TMEM178B: variants seen among roughly 807,000 people sequenced by gnomAD.
TMEM178B encodes the protein transmembrane protein 178B.
Under a neutral mutation model 31.0 loss-of-function variants are expected in TMEM178B, and 5 were observed. The ratio of observed to expected loss-of-function variants is 0.16; its 90% CI spans 0.08 to 0.34. TMEM178B has a LOEUF of 0.34. Among genes scored for constraint, TMEM178B ranks in the 10% least tolerant of loss-of-function variants. The pLI, the probability that TMEM178B is intolerant of heterozygous loss-of-function variation, is 1.00. For synonymous variants in TMEM178B, 164 were observed against 164.0 expected, an observed-to-expected ratio of 1.00 and a Z score of 0.00; for missense variants, 275 against 400.3, an observed-to-expected ratio of 0.69 and a Z score of 2.67.
At chr7:141,249,491 T>G (rs1797795351) in intron 2 of TMEM178B, among the ~76,000 whole-genome samples, 1 of 152,218 alleles carries the variant, frequency 6.6e-6, no homozygotes, top group Non-Finnish European at 1.5e-5. Flanking sequence ...CTGTAAAGAT[T>G]CCTGAAAATG....
chr7:141,335,011 C>T (rs371596762), intron 2 of TMEM178B, among the ~76,000 whole-genome samples: 21 of 152,268 alleles, frequency 1.4e-4, no homozygotes, highest in African/African-American at 4.8e-4. Flanking sequence ...TTTCCTCCCT[C>T]GAGGGGCCTG....
chr7:141,182,582 A>C (rs1796547373), intron 1 of TMEM178B, among the ~76,000 whole-genome samples: 1 of 152,204 alleles, frequency 6.6e-6, no homozygotes, highest in African/African-American at 2.4e-5. Flanking sequence ...AAGAATTAGT[A>C]AGGGAAACAG....
chr7:141,206,698 G>C (rs1403260388), intron 1 of TMEM178B, among the ~76,000 whole-genome samples: 1 of 152,090 alleles, frequency 6.6e-6, no homozygotes, highest in African/African-American at 2.4e-5. Flanking sequence ...TACTTCTGTT[G>C]CCAGCCCCGG....
At chr7:141,201,159 C>A (rs1030214251) in intron 1 of TMEM178B, among the ~76,000 whole-genome samples, 1 of 152,192 alleles carries the variant, frequency 6.6e-6, no homozygotes, top group Admixed American at 6.5e-5. Flanking sequence ...ACCACGTCGG[C>A]GCCATCCCCT....
chr7:141,507,855 G>C, the TMEM178B span, among the ~76,000 whole-genome samples: 1 of 152,186 alleles, frequency 6.6e-6, no homozygotes, highest in Non-Finnish European at 1.5e-5. Context: ...AGGCACACTG[G>C]ATCTGGCCCA....
intron 2 of TMEM178B, among the ~76,000 whole-genome samples, chr7:141,255,354 T>A (rs1396750874): frequency 6.6e-6 from 1 of 152,174 alleles, no homozygotes; most frequent in African/African-American, 2.4e-5. Context: ...TGACAAGACT[T>A]TGCAATTATT....
At chr7:141,369,091 A>G (rs967364949) in intron 2 of TMEM178B, among the ~76,000 whole-genome samples, 1 of 152,226 alleles carries the variant, frequency 6.6e-6, no homozygotes, top group Admixed American at 6.5e-5. Flanking sequence ...CATGGAAAGA[A>G]GTAAACATCC....
intron 1 of TMEM178B, among the ~76,000 whole-genome samples, chr7:141,212,269 A>T (rs990291590): frequency 9.9e-5 from 15 of 152,154 alleles, no homozygotes; most frequent in African/African-American, 3.6e-4. Flanking sequence ...GAAACTGTTG[A>T]TGTCCTTTGA....
chr7:141,124,377 A>G (rs1296431781), intron 1 of TMEM178B, among the ~76,000 whole-genome samples: 1 of 152,070 alleles, frequency 6.6e-6, no homozygotes, highest in East Asian at 1.9e-4. Context: ...AAAAAAAAAT[A>G]GAAAAAAAAG....
At chr7:141,146,471 G>C (rs1317116675) in intron 1 of TMEM178B, among the ~76,000 whole-genome samples, 1 of 152,196 alleles carries the variant, frequency 6.6e-6, no homozygotes, top group Non-Finnish European at 1.5e-5. Flanking sequence ...TTTTAGCTAA[G>C]TGATGTTGGA....
intron 2 of TMEM178B, among the ~76,000 whole-genome samples, chr7:141,419,677 T>C (rs1801164779): frequency 6.6e-6 from 1 of 152,010 alleles, no homozygotes; most frequent in Non-Finnish European, 1.5e-5. Context: ...GCATATGGAG[T>C]CCCTGGTGAG....
chr7:141,138,050 C>G (rs1255632078), intron 1 of TMEM178B, among the ~76,000 whole-genome samples: 1 of 150,786 alleles, frequency 6.6e-6, no homozygotes, highest in Non-Finnish European at 1.5e-5. Context: ...CATGAGATCT[C>G]TTTTAAAATT....
chr7:141,229,848 C>T (rs575470076), intron 2 of TMEM178B, among the ~76,000 whole-genome samples: 222 of 152,226 alleles, frequency 1.5e-3, no homozygotes, highest in African/African-American at 5.1e-3. Flanking sequence ...GGTACACCAG[C>T]CTGGGCCACA....
chr7:141,440,678 A>T (rs951274401), intron 3 of TMEM178B, among the ~76,000 whole-genome samples: 6 of 152,146 alleles, frequency 3.9e-5, no homozygotes, highest in East Asian at 1.9e-4. Context: ...GGGACATGCA[A>T]TCTATTTTTT....
intron 2 of TMEM178B, among the ~76,000 whole-genome samples, chr7:141,270,321 T>C (rs1216400932): frequency 1.3e-5 from 2 of 151,956 alleles, no homozygotes; most frequent in African/African-American, 4.8e-5. Flanking sequence ...AGGTGAGCAG[T>C]CTACATCTCT....
At chr7:141,425,132 C>A (rs1480483211) in intron 2 of TMEM178B, among the ~76,000 whole-genome samples, 1 of 152,204 alleles carries the variant, frequency 6.6e-6, no homozygotes, top group Non-Finnish European at 1.5e-5. Flanking sequence ...CAACACATGC[C>A]TGCACTTAGT....
chr7:141,245,142 C>T (rs533251232), intron 2 of TMEM178B, among the ~76,000 whole-genome samples: 2 of 117,166 alleles, frequency 1.7e-5, no homozygotes, highest in Admixed American at 1.0e-4. Flanking sequence ...CGAACTCCAG[C>T]CTGGGTGACA....
chr7:141,187,833 T>C (rs1488266383), intron 1 of TMEM178B, among the ~76,000 whole-genome samples: 1 of 152,210 alleles, frequency 6.6e-6, no homozygotes, highest in Non-Finnish European at 1.5e-5. Context: ...TTGTAGATTC[T>C]GGATATTAGC....
At chr7:141,206,063 C>T (rs1796958648) in intron 1 of TMEM178B, among the ~76,000 whole-genome samples, 1 of 152,158 alleles carries the variant, frequency 6.6e-6, no homozygotes, top group African/African-American at 2.4e-5. Flanking sequence ...TTCTGAGTTC[C>T]TGTGTTCATG....
Sources: allele counts gnomAD v4.1 joint callset (sites outside exome capture counted in the v4.1 genomes callset), GRCh38; gene constraint gnomAD v4.1.1; transcripts MANE v1.5; gene names NCBI Gene and HGNC (gene_info 2026-07-23, HGNC 2026-07-21).